ADAMTS12: variants seen among roughly 807,000 people sequenced by gnomAD.
ADAMTS12 encodes the protein ADAM metallopeptidase with thrombospondin type 1 motif 12, also known as A disintegrin and metalloproteinase with thrombospondin motifs 12.
ADAMTS12 carries 118 observed loss-of-function variants against 167.8 expected under a neutral mutation model. The ratio of observed to expected loss-of-function variants is 0.70; its 90% CI spans 0.61 to 0.82. ADAMTS12 has a LOEUF of 0.82. Among genes scored for constraint, ADAMTS12 ranks in the 40% least tolerant of loss-of-function variants. The pLI, the probability that ADAMTS12 is intolerant of heterozygous loss-of-function variation, is 0.00. For synonymous variants in ADAMTS12, 704 were observed against 716.9 expected (o/e 0.98, Z 0.29); for missense variants, 1,916 against 1,998.8 (o/e 0.96, Z 0.79).
At chr5:33,575,550 A>G (rs1428668894) in intron 19 of ADAMTS12, among the ~76,000 whole-genome samples, 6 of 152,186 alleles carry the variant, frequency 3.9e-5, no homozygotes, top group African/African-American at 9.6e-5. Flanking sequence ...CCTTCCCTAT[A>G]TATAAATTTT....
intron 16 of ADAMTS12, among the ~76,000 whole-genome samples, chr5:33,601,843 G>A (rs1738205101): frequency 6.6e-6 from 1 of 152,014 alleles, no homozygotes; most frequent in Non-Finnish European, 1.5e-5. Context: ...CATGATTACG[G>A]GTAACATAAG....
intron 12 of ADAMTS12, among the ~76,000 whole-genome samples, chr5:33,633,836 C>G (rs10072867): frequency 0.14 from 20,951 of 152,170 alleles, 1,777 homozygotes; most frequent in African/African-American, 0.23. Context: ...CTTTCCTTGT[C>G]TCACATTTAC....
At chr5:33,868,888 A>T (rs564389394) in intron 2 of ADAMTS12, among the ~76,000 whole-genome samples, 2 of 152,306 alleles carry the variant, frequency 1.3e-5, no homozygotes, top group Non-Finnish European at 2.9e-5. Flanking sequence ...AATATTGGAC[A>T]CCTCTTTTTA....
chr5:33,589,493 T>G (rs1747532697), intron 17 of ADAMTS12, among the ~76,000 whole-genome samples: 1 of 152,194 alleles, frequency 6.6e-6, no homozygotes, highest in Admixed American at 6.5e-5. Flanking sequence ...AGAAAAAGAA[T>G]AAACATAAAT....
At chr5:33,569,504 A>G (rs958769330) in intron 19 of ADAMTS12, among the ~76,000 whole-genome samples, 1 of 152,232 alleles carries the variant, frequency 6.6e-6, no homozygotes, top group Non-Finnish European at 1.5e-5. Context: ...GTGGACCTCT[A>G]GCAAGCTCCA....
intron 5 of ADAMTS12, among the ~76,000 whole-genome samples, chr5:33,669,448 G>A (rs1438658433): frequency 6.6e-6 from 1 of 152,088 alleles, no homozygotes; most frequent in Non-Finnish European, 1.5e-5. Flanking sequence ...TAAAGTCCAA[G>A]CATCATGTAG....
rs578101392 is a variant in ADAMTS12 at position 33,882,649 on chromosome 5, T to C, written c.128-1169A>G. On this transcript the variant is annotated intron_variant, in intron 1 of 23. Coordinates refer to ENST00000504830, the MANE Select transcript of ADAMTS12 (RefSeq NM_030955.4). ...ACTTGTTGCCCAGGCTGGAGTGCAA[T>C]GGCATGATCTCGACTCACCGCAACC... Among the ~76,000 whole-genome samples the C allele has an allele frequency of 6.6e-5, 10 of 152,288 alleles. No individual in the cohort carries two copies. In the South Asian group the frequency reaches 1.0e-3, roughly 16 times the overall value.
intron 12 of ADAMTS12, among the ~76,000 whole-genome samples, chr5:33,637,345 T>G (rs1740242789): frequency 6.6e-6 from 1 of 152,236 alleles, no homozygotes; most frequent in Non-Finnish European, 1.5e-5. Flanking sequence ...CACCATGTTT[T>G]ATAAACTTCT....
intron 19 of ADAMTS12, among the ~76,000 whole-genome samples, chr5:33,574,389 C>T (rs908442746): frequency 1.3e-5 from 2 of 152,064 alleles, no homozygotes; most frequent in East Asian, 3.9e-4. Context: ...AAATGTGGCA[C>T]ATATACACCA....
chr5:33,824,301 C>T (rs1211901733), intron 2 of ADAMTS12, among the ~76,000 whole-genome samples: 3 of 152,086 alleles, frequency 2.0e-5, no homozygotes, highest in South Asian at 2.1e-4. Context: ...TGCCAGAAGA[C>T]GGGAACAGAA....
At chr5:33,581,417 G>C (rs1747059307) in intron 18 of ADAMTS12, among the ~76,000 whole-genome samples, 1 of 152,104 alleles carries the variant, frequency 6.6e-6, no homozygotes, top group African/African-American at 2.4e-5. Flanking sequence ...GAGGTTTGCT[G>C]CCCAATTTAT....
intron 3 of ADAMTS12, among the ~76,000 whole-genome samples, chr5:33,690,977 T>C (rs1180729525): frequency 1.3e-5 from 2 of 152,176 alleles, no homozygotes; most frequent in African/African-American, 4.8e-5. Flanking sequence ...AGTCCCAGTA[T>C]GCTTAGACAT....
At chr5:33,605,211 C>T (rs1168936091) in intron 16 of ADAMTS12, among the ~76,000 whole-genome samples, 2 of 152,118 alleles carry the variant, frequency 1.3e-5, no homozygotes, top group African/African-American at 4.8e-5. Context: ...ACCACTGAGC[C>T]GAGTCTAGCC....
rs116119652 is a variant in ADAMTS12, at chr5:33,628,595, A to T, written c.2022+2185T>A. 2.1e-3 allele frequency among the ~76,000 whole-genome samples: 316 copies of T among 152,322 alleles called. 2 individuals are homozygous for T. Among genetic ancestry groups the T allele is most frequent in the African/African-American group, 7.0e-3 (289 of 41,572 alleles). ...TAAGCAACCAAGTTTTCATATTCAC[A>T]ACGAATGCAGATTAGACAAACACTG... On this transcript the variant is annotated intron_variant, in intron 13 of 23. Transcript: ENST00000504830.
At chr5:33,749,556 G>T (rs1744904562) in intron 3 of ADAMTS12, among the ~76,000 whole-genome samples, 1 of 152,074 alleles carries the variant, frequency 6.6e-6, no homozygotes, top group African/African-American at 2.4e-5. Flanking sequence ...TCTCATACTT[G>T]CTTAGTACCT....
At chr5:33,818,925 A>G (rs1747768632) in intron 2 of ADAMTS12, among the ~76,000 whole-genome samples, 1 of 152,014 alleles carries the variant, frequency 6.6e-6, no homozygotes, top group African/African-American at 2.4e-5. Context: ...TTATTTTTTA[A>G]TCAAATTATT....
At chr5:33,572,392 T>C (rs1746405259) in intron 19 of ADAMTS12, among the ~76,000 whole-genome samples, 1 of 151,972 alleles carries the variant, frequency 6.6e-6, no homozygotes, top group Admixed American at 6.6e-5. Flanking sequence ...TCAAAAAGCT[T>C]ATCCACCATG....
At chr5:33,692,606 A>G (rs1742591750) in intron 3 of ADAMTS12, among the ~76,000 whole-genome samples, 1 of 152,150 alleles carries the variant, frequency 6.6e-6, no homozygotes, top group South Asian at 2.1e-4. Flanking sequence ...TAAGCAAGTG[A>G]CATGATGACT....
rs1561214548 is a variant in ADAMTS12 at position 33,686,756 on chromosome 5, C to CT, written c.635-2702_635-2701insA. On this transcript the variant is annotated intron_variant, in intron 3 of 23. Transcript: ENST00000504830. ...AAGACACAGCAGGAAGATATATACA[C>CT]CTCTCTCTCTATATATATATATATA... Among the ~76,000 whole-genome samples, 64 of 148,402 alleles carry CT rather than the reference C, an allele frequency of 4.3e-4. 1 individual carries two copies. Among genetic ancestry groups the CT allele is most frequent in the South Asian group, 3.5e-3 (16 of 4,548 alleles).
Sources: gnomAD v4.1 joint callset for allele counts (sites outside exome capture counted in the v4.1 genomes callset) on GRCh38, gnomAD v4.1.1 for gene constraint, MANE v1.5 for transcripts, NCBI Gene and HGNC (gene_info 2026-07-23, HGNC 2026-07-21) for gene names.